The following ZNF536 variants were observed in gnomAD, a reference collection of about 807,000 sequenced individuals.
ZNF536 encodes the protein zinc finger protein 536.
In ZNF536, 13 loss-of-function variants were observed where a neutral mutation model predicts 84.5. The ratio of observed to expected loss-of-function variants is 0.15; its 90% CI spans 0.10 to 0.24. The LOEUF (loss-of-function observed/expected upper bound fraction) is 0.24, where lower values mean the gene tolerates loss of function less well. Ranked by LOEUF, ZNF536 falls within the 10% of genes least tolerant of loss-of-function variation. The pLI is 1.00. For missense variants in ZNF536, 1,536 were observed against 1,747.5 expected, an observed-to-expected ratio of 0.88 and a Z score of 2.16; for synonymous variants, 811 against 742.5, an observed-to-expected ratio of 1.09 and a Z score of -1.50.
At chr19:30,597,049 C>A (rs1367689731) in intron 1 of ZNF536, among the ~76,000 whole-genome samples, 1 of 152,102 alleles carries the variant, frequency 6.6e-6, no homozygotes, top group East Asian at 1.9e-4. Context: ...GAGGAGGGAA[C>A]CTTTCAATTG....
intron 2 of ZNF536, among the ~76,000 whole-genome samples, chr19:30,326,790 G>C (rs59489683): frequency 3.1e-5 from 1 of 32,482 alleles, no homozygotes; most frequent in African/African-American, 1.2e-4. Flanking sequence ...TTTATAAAAA[G>C]CTTTTTTTTT....
chr19:30,377,659 T>G (rs2048870131), intron 1 of ZNF536, among the ~76,000 whole-genome samples: 2 of 152,162 alleles, frequency 1.3e-5, no homozygotes, highest in South Asian at 4.1e-4. Context: ...GGAGTAATTT[T>G]CTTAATTACT....
intron 2 of ZNF536, among the ~76,000 whole-genome samples, chr19:30,533,519 CAAA>C (rs111353893): frequency 5.9e-5 from 7 of 119,306 alleles, no homozygotes; most frequent in African/African-American, 5.9e-5. Flanking sequence ...GACGCTGTCT[CAAA>C]AAAAAAAAAA....
intron 1 of ZNF536, among the ~76,000 whole-genome samples, chr19:30,671,294 C>T (rs2050542157): frequency 1.3e-5 from 2 of 152,160 alleles, no homozygotes; most frequent in African/African-American, 2.4e-5. Context: ...GTTAGGTGCC[C>T]GTGACATAGT....
chr19:30,255,902 G>A (rs148170903), intron 1 of ZNF536, among the ~76,000 whole-genome samples: 49 of 152,326 alleles, frequency 3.2e-4, no homozygotes, highest in African/African-American at 1.2e-3. Context: ...GAAGCCAACA[G>A]CCTCCTTGGA....
intron 2 of ZNF536, among the ~76,000 whole-genome samples, chr19:30,523,614 G>C (rs899139035): frequency 6.6e-6 from 1 of 152,174 alleles, no homozygotes; most frequent in African/African-American, 2.4e-5. Flanking sequence ...TTCCCTCTCA[G>C]AATGCTTCCT....
intron 1 of ZNF536, among the ~76,000 whole-genome samples, chr19:30,401,051 G>A (rs1348647616): frequency 6.6e-6 from 1 of 152,078 alleles, no homozygotes; most frequent in Non-Finnish European, 1.5e-5. Flanking sequence ...TTTAGGTCAA[G>A]GTTCTCTTTT....
chr19:30,362,062 A>G (rs1052215361), intron 3 of ZNF536, among the ~76,000 whole-genome samples: 2 of 152,134 alleles, frequency 1.3e-5, no homozygotes, highest in African/African-American at 2.4e-5. Context: ...TCTGTTTCGC[A>G]CAGTGGGGCA....
chr19:30,240,502 G>A (rs899405954), intron 1 of ZNF536, among the ~76,000 whole-genome samples: 1 of 152,212 alleles, frequency 6.6e-6, no homozygotes, highest in South Asian at 2.1e-4. Context: ...CCTTGTCCCA[G>A]GGCAGCTCCC....
intron 1 of ZNF536, among the ~76,000 whole-genome samples, chr19:30,648,720 A>C (rs2049573972): frequency 6.6e-6 from 1 of 152,258 alleles, no homozygotes; most frequent in South Asian, 2.1e-4. Context: ...TGAAATTTTA[A>C]AAGCTCAATA....
intron 1 of ZNF536, among the ~76,000 whole-genome samples, chr19:30,705,608 T>C (rs1365823347): frequency 6.6e-6 from 1 of 152,146 alleles, no homozygotes; most frequent in African/African-American, 2.4e-5. Flanking sequence ...AAAGCTCAAA[T>C]ATGAGGATAA....
intron 1 of ZNF536, among the ~76,000 whole-genome samples, chr19:30,584,499 C>T (rs1314590829): frequency 1.3e-5 from 2 of 152,302 alleles, no homozygotes; most frequent in African/African-American, 4.8e-5. Flanking sequence ...AAGTGTGTGA[C>T]TCTCTCTCCA....
At chr19:30,653,007 C>G (rs529675309) in intron 1 of ZNF536, among the ~76,000 whole-genome samples, 1 of 152,148 alleles carries the variant, frequency 6.6e-6, no homozygotes, top group Non-Finnish European at 1.5e-5. Flanking sequence ...CTCCCAGGAC[C>G]GAATGGCGGC....
At chr19:30,390,840 C>G (rs1405147471) in intron 1 of ZNF536, among the ~76,000 whole-genome samples, 1 of 152,194 alleles carries the variant, frequency 6.6e-6, no homozygotes, top group Non-Finnish European at 1.5e-5. Flanking sequence ...CCGTTGGCAC[C>G]AATGGGGATC....
intron 2 of ZNF536, among the ~76,000 whole-genome samples, chr19:30,320,518 C>T (rs558371034): frequency 2.0e-4 from 30 of 152,220 alleles, no homozygotes; most frequent in South Asian, 8.3e-4. Flanking sequence ...GAAAAACACA[C>T]AGCATCTTGG....
At chr19:30,267,573 A>T (rs1050400474) in intron 1 of ZNF536, among the ~76,000 whole-genome samples, 1 of 152,106 alleles carries the variant, frequency 6.6e-6, no homozygotes, top group Non-Finnish European at 1.5e-5. Context: ...GCCTGGCATC[A>T]TGGGAAGGAG....
At chr19:30,598,186 C>T (rs2047535386) in intron 1 of ZNF536, among the ~76,000 whole-genome samples, 1 of 152,164 alleles carries the variant, frequency 6.6e-6, no homozygotes, top group East Asian at 1.9e-4. Context: ...TCTGGTTGTC[C>T]TATCTTCCAG....
chr19:30,519,769 G>A (rs992222996), intron 2 of ZNF536, among the ~76,000 whole-genome samples: 1 of 152,144 alleles, frequency 6.6e-6, no homozygotes, highest in Admixed American at 6.5e-5. Flanking sequence ...TCATTCATTC[G>A]GCTGGTCACC....
chr19:30,390,890 G>T (rs563895925), intron 1 of ZNF536, among the ~76,000 whole-genome samples: 1 of 152,174 alleles, frequency 6.6e-6, no homozygotes, highest in Non-Finnish European at 1.5e-5. Context: ...CTATTCCAAT[G>T]TCAGAATAAA....
Sources: allele counts gnomAD v4.1 joint callset (sites outside exome capture counted in the v4.1 genomes callset), GRCh38; gene constraint gnomAD v4.1.1; transcripts MANE v1.5; gene names NCBI Gene and HGNC (gene_info 2026-07-23, HGNC 2026-07-21).